The following KNL1 variants were observed in gnomAD, a reference collection of about 807,000 sequenced individuals.
The protein encoded by KNL1 is kinetochore scaffold 1.
In KNL1, 66 loss-of-function variants were observed where a neutral mutation model predicts 201.3. The observed-to-expected ratio is 0.33, with a 90% CI of 0.27 to 0.40. The LOEUF (loss-of-function observed/expected upper bound fraction) is 0.40, where lower values mean the gene tolerates loss of function less well. Among genes scored for constraint, KNL1 ranks in the 10% least tolerant of loss-of-function variants. The pLI, the probability that KNL1 is intolerant of heterozygous loss-of-function variation, is 1.00. For synonymous variants in KNL1, 895 were observed against 899.2 expected, an observed-to-expected ratio of 1.00 and a Z score of 0.08; for missense variants, 2,815 against 2,690.5, an observed-to-expected ratio of 1.05 and a Z score of -1.02.
chr15:40,625,605 G>T lies in KNL1; in HGVS notation c.5341G>T (p.Glu1781Ter). 6.2e-7 allele frequency: 1 copy of T among 1,610,038 alleles called. No individual in the cohort carries two copies. The highest frequency in any genetic ancestry group is 8.5e-7 in the Non-Finnish European group (1 of 1,179,080). The change falls in exon 10 of 26, where the codon GAG (glutamate) becomes TAG (stop). Residue 1781 changes from glutamate to a stop codon, truncating the protein, a stop_gained. Transcript: ENST00000399668. LOFTEE classifies it high-confidence loss of function. ...IHKEKKIRKN[E>*]IKFSDTTQDR... ...TAAGGAGAAAAAAATCAGAAAAAAT[G>T]AGATTAAGTTTAGTGATACGACACA...
intron 9 of KNL1, among the ~76,000 whole-genome samples, chr15:40,619,771 A>T (rs1208923534): frequency 1.3e-5 from 2 of 152,198 alleles, no homozygotes; most frequent in African/African-American, 4.8e-5. Flanking sequence ...TTAGGATAAG[A>T]ATGACCTATT....
chr15:40,623,871 A>G lies in KNL1; in HGVS notation c.3607A>G (p.Lys1203Glu). ...KGKNLGVSFP[K>E]DNSCVQEIAE... is the part of the protein sequence containing the mutation. ...AAAAAACTTGGGTGTTTCCTTTCCT[A>G]AGGATAATAGCTGTGTTCAAGAAAT... is the stretch of plus-strand genomic sequence containing the variant. The change falls in exon 10 of 26, where the codon AAG (lysine) becomes GAG (glutamate). Residue 1203 changes from lysine to glutamate, a missense_variant. Physicochemically the swap from Lys to Glu is moderately conservative, Grantham distance 56. Transcript: ENST00000399668. 6.2e-7 allele frequency: 1 copy of G among 1,613,726 alleles called. No homozygotes were observed. Among genetic ancestry groups the G allele is most frequent in the Non-Finnish European group, 8.5e-7 (1 of 1,179,918 alleles).
chr15:40,621,533 A>G lies in KNL1; in HGVS notation c.1269A>G (p.Gln423=). 6.2e-7 allele frequency: 1 copy of G among 1,612,870 alleles called. No homozygotes were observed. The change falls in exon 10 of 26, where the codon CAA becomes CAG. Residue 423 remains glutamine, a synonymous_variant. Transcript: ENST00000399668. Reference sequence around the variant, plus strand: ...CTATATATTCTAATCCATCTATTCAAGGTTGTAAGACTGTTTTCTATTCTA... The same window carrying G: ...CTATATATTCTAATCCATCTATTCAGGGTTGTAAGACTGTTTTCTATTCTA... ...PESIYSNPSI[Q]GCKTVFYSSC... is the part of the protein sequence containing the mutation.
In KNL1 at chr15:40,621,196, T is replaced by C. The variant is rs1466930041; in HGVS notation, c.932T>C (p.Ile311Thr). ...TCACGGGAATCTAAAGGTAATGATA[T>C]TACAATTTATGGCAATGACTTTATG... ...TNSRESKGND[I>T]TIYGNDFMDL... The change falls in exon 10 of 26, where the codon ATT (isoleucine) becomes ACT (threonine). Residue 311 changes from isoleucine to threonine, a missense_variant. By Grantham distance (89) the Ile-to-Thr change is moderately conservative. This residue lies in a region of KNL1 where 2,464 missense variants were observed against 2,291.7 expected (regional missense o/e 1.08). Coordinates refer to ENST00000399668, the MANE Select transcript of KNL1 (RefSeq NM_144508.5). The C allele has an allele frequency of 2.5e-6, 4 of 1,612,148 alleles. No individual in the cohort carries two copies. The African/African-American group carries it at 4.0e-5, about 16-fold the overall frequency.
rs71104706 is a variant in KNL1 at position 40,617,975 on chromosome 15, T to TAAAAAAAAAAAAA, written c.323-957_323-945dup. On this transcript the variant is annotated intron_variant, in intron 8 of 25. Coordinates refer to ENST00000399668, the MANE Select transcript of KNL1 (RefSeq NM_144508.5). ...CCTGAAATATAAATAAGGCTTTTAG[T>TAAAAAAAAAAAAA]AAAAAAAAAAAAAAAAAAAAAAAAA... Among the ~76,000 whole-genome samples the TAAAAAAAAAAAAA allele has an allele frequency of 5.1e-4, 24 of 47,230 alleles. 4 individuals are homozygous for TAAAAAAAAAAAAA. The highest frequency in any genetic ancestry group is 8.2e-4 in the East Asian group (1 of 1,222). 31.0% of individuals were successfully genotyped at this position (47,230 alleles called of 152,430 possible).
At chr15:40,639,716 G>A (rs1452015291) in intron 13 of KNL1, among the ~76,000 whole-genome samples, 1 of 151,966 alleles carries the variant, frequency 6.6e-6, no homozygotes, top group Non-Finnish European at 1.5e-5. Flanking sequence ...TGAGGCTGCA[G>A]TGAGCCGTGA....
At chr15:40,597,335 A>G (rs1375791428) in intron 1 of KNL1, among the ~76,000 whole-genome samples, 4 of 152,126 alleles carry the variant, frequency 2.6e-5, no homozygotes, top group Admixed American at 1.3e-4. Flanking sequence ...GTTCACTGCA[A>G]TCTCTACCTC....
At chr15:40,656,905 G>T (rs1035575920) in intron 22 of KNL1, 137 bp from the exon 23 acceptor site, 7 of 447,050 alleles carry the variant, frequency 1.6e-5, no homozygotes, top group Non-Finnish European at 2.4e-5. Flanking sequence ...AAAAGAAAAA[G>T]AAAAAATGGA....
intron 14 of KNL1, among the ~76,000 whole-genome samples, chr15:40,642,740 G>A (rs1041977355): frequency 6.6e-6 from 1 of 152,082 alleles, no homozygotes; most frequent in Non-Finnish European, 1.5e-5. Context: ...CGATTCTCTT[G>A]CCTCAGCCTC....
chr15:40,628,032 A>G, intron 10 of KNL1, 38 bp from the exon 11 acceptor site: 3 of 1,465,886 alleles, frequency 2.0e-6, no homozygotes, highest in Non-Finnish European at 2.8e-6. Flanking sequence ...TACAGTGTAT[A>G]TTTTATTCTG....
At position 40,657,335 on chromosome 15, in the gene KNL1, T is replaced by C. The variant is rs999879871; in HGVS notation, c.6595-20T>C. On this transcript the variant is annotated intron_variant, in intron 23 of 25. Coordinates refer to ENST00000399668, the MANE Select transcript of KNL1 (RefSeq NM_144508.5). ...AATGTTTTCATAATTTCACTGGATTTTTTTTCCCACTTTTTCTAGATGCTT... is the reference window on the plus strand; with the variant it reads ...AATGTTTTCATAATTTCACTGGATTCTTTTTCCCACTTTTTCTAGATGCTT... 4 of 1,465,056 alleles carry C rather than the reference T, an allele frequency of 2.7e-6. No individual in the cohort carries two copies. The highest frequency in any genetic ancestry group is 3.4e-5 in the Admixed American group (2 of 58,260). The allele number at this position is 1,465,056 out of a possible 1,614,324, so 90.8% of individuals were successfully genotyped here.
rs1323671006 is a variant in KNL1, at chr15:40,625,418, A to G, written c.5154A>G (p.Val1718=). 1.2e-6 allele frequency: 2 copies of G among 1,614,010 alleles called. No homozygotes were observed. The highest frequency in any genetic ancestry group is 2.7e-5 in the African/African-American group (2 of 75,038). Residue 1718 remains valine, a synonymous_variant, in exon 10 of 26, where the codon GTA becomes GTG. Coordinates refer to ENST00000399668, the MANE Select transcript of KNL1 (RefSeq NM_144508.5). ...SQYINEENLP[V]YPDEINSSDS... is the part of the protein sequence containing the mutation. The stretch of plus-strand genomic sequence containing the variant: ...ATATAAATGAGGAAAATCTTCCTGT[A>G]TATCCTGATGAGATCAATTCTTCAG...
chr15:40,612,155 A>C (rs1295973510), intron 7 of KNL1, among the ~76,000 whole-genome samples: 1 of 152,184 alleles, frequency 6.6e-6, no homozygotes, highest in African/African-American at 2.4e-5. Flanking sequence ...ATCTCTACTA[A>C]GAATACAAAA....
Position 40,663,253 on chromosome 15 carries a change from G to T in KNL1, c.*1065G>T, listed in dbSNP as rs911880841. On this transcript the variant is annotated 3_prime_UTR_variant, in exon 26 of 26. Coordinates refer to ENST00000399668, the MANE Select transcript of KNL1 (RefSeq NM_144508.5). ...TTTTTGTCTTTTTAGTAGAAATGGG[G>T]TTTCACGATGTTAGCCAGGATGGTC... The T allele has an allele frequency of 1.8e-5, 3 of 164,748 alleles. No homozygotes were observed. Among genetic ancestry groups the T allele is most frequent in the South Asian group, 4.1e-4 (2 of 4,928 alleles). The allele number at this position is 164,748 out of a possible 1,614,324, so 10.2% of individuals were successfully genotyped here.
chr15:40,625,742 G>A (rs764190802), intron 10 of KNL1, 102 bp downstream of exon 10: 3 of 857,850 alleles, frequency 3.5e-6, no homozygotes, highest in Non-Finnish European at 1.8e-6. Flanking sequence ...TCTCGGGTAG[G>A]CAGAAAATAA....
rs1892529491 is a variant in KNL1, at chr15:40,621,569, T to A, written c.1305T>A (p.Asp435Glu). The A allele has an allele frequency of 6.2e-7, 1 of 1,610,386 alleles. No individual in the cohort carries two copies. The highest frequency in any genetic ancestry group is 8.5e-7 in the Non-Finnish European group (1 of 1,178,220). The change falls in exon 10 of 26, where the codon GAT (aspartate) becomes GAA (glutamate). Residue 435 changes from aspartate (D) to glutamate (E), a missense_variant. This residue lies in a region of KNL1 where 2,464 missense variants were observed against 2,291.7 expected (regional missense o/e 1.08). Transcript: ENST00000399668. ...CKTVFYSSCN[D>E]AMEMTKCLSN... is the part of the protein sequence containing the mutation. Reference sequence around the variant, plus strand: ...CTGTTTTCTATTCTAGTTGTAATGATGCCATGGAAATGACCAAATGTCTCT... The same window carrying A: ...CTGTTTTCTATTCTAGTTGTAATGAAGCCATGGAAATGACCAAATGTCTCT...
chr15:40,644,072 C>T (rs1451049779), intron 14 of KNL1, among the ~76,000 whole-genome samples: 5 of 152,154 alleles, frequency 3.3e-5, no homozygotes, highest in Non-Finnish European at 7.4e-5. Context: ...CCCAGGGGAC[C>T]GGCTCTCAGC....
chr15:40,607,261 A>G (rs1451100907), intron 4 of KNL1, among the ~76,000 whole-genome samples: 1 of 152,260 alleles, frequency 6.6e-6, no homozygotes, highest in Non-Finnish European at 1.5e-5. Context: ...AAGAAAGCAC[A>G]TCTCACACAT....
rs1891976749 is a variant in KNL1 at position 40,606,464 on chromosome 15, G to T, written c.135+12G>T. On this transcript the variant is annotated intron_variant, in intron 4 of 25. Transcript: ENST00000399668. The stretch of plus-strand genomic sequence containing the variant: ...ATGAAAGAGTTCAGGTAAGTCTTTT[G>T]TGCAAATACTTTATAGATGACTATT... The T allele has an allele frequency of 7.0e-7, 1 of 1,422,560 alleles. No homozygotes were observed. 88.1% of individuals were successfully genotyped at this position (1,422,560 alleles called of 1,614,324 possible).
Sources: gnomAD v4.1 joint callset for allele counts (sites outside exome capture counted in the v4.1 genomes callset) on GRCh38, gnomAD v4.1.1 for gene constraint, gnomAD v4.1.1 regional missense constraint, MANE v1.5 for transcripts, NCBI Gene and HGNC (gene_info 2026-07-23, HGNC 2026-07-21) for gene names.